Variants in PRKD1 observed in about 807,000 individuals in gnomAD.
PRKD1 encodes the protein serine/threonine-protein kinase D1.
Under a neutral mutation model 95.9 loss-of-function variants are expected in PRKD1, and 63 were observed. That is an observed-to-expected ratio of 0.66 (90% confidence interval 0.54 to 0.81). The LOEUF is 0.81. Ranked by LOEUF, PRKD1 falls within the 30% of genes least tolerant of loss-of-function variation. PRKD1 has a pLI of 0.00. For missense variants in PRKD1, 1,048 were observed against 1,165.3 expected (o/e 0.90, Z 1.47); for synonymous variants, 425 against 423.1 (o/e 1.00, Z -0.05).
intron 2 of PRKD1, among the ~76,000 whole-genome samples, chr14:29,696,149 G>C (rs370151192): frequency 6.6e-6 from 1 of 152,130 alleles, no homozygotes; most frequent in African/African-American, 2.4e-5. Flanking sequence ...AGTCTAGTAA[G>C]TTAAAAAACA....
At chr14:29,750,112 T>G (rs900847087) in intron 1 of PRKD1, among the ~76,000 whole-genome samples, 1 of 152,158 alleles carries the variant, frequency 6.6e-6, no homozygotes, top group African/African-American at 2.4e-5. Flanking sequence ...AGGATCAATA[T>G]TCTATGAAAT....
intron 4 of PRKD1, among the ~76,000 whole-genome samples, chr14:29,649,478 T>C (rs1881353442): frequency 1.3e-5 from 2 of 151,950 alleles, no homozygotes; most frequent in Non-Finnish European, 2.9e-5. Context: ...TTTTACTTTG[T>C]GTTTGTAGTT....
At chr14:29,755,812 T>C (rs1171777371) in intron 1 of PRKD1, among the ~76,000 whole-genome samples, 2 of 152,188 alleles carry the variant, frequency 1.3e-5, no homozygotes, top group African/African-American at 4.8e-5. Context: ...CTGTATGCAG[T>C]AGCTTTGATC....
chr14:29,721,277 C>T (rs1437255442), intron 2 of PRKD1, among the ~76,000 whole-genome samples: 3 of 152,116 alleles, frequency 2.0e-5, no homozygotes. Flanking sequence ...AGATAATCTA[C>T]TGTAAATCTA....
chr14:29,884,058 G>A (rs1280685810), intron 1 of PRKD1, among the ~76,000 whole-genome samples: 1 of 152,140 alleles, frequency 6.6e-6, no homozygotes, highest in Non-Finnish European at 1.5e-5. Flanking sequence ...CAAAAGTGAT[G>A]CTCAGTTAAA....
intron 1 of PRKD1, among the ~76,000 whole-genome samples, chr14:29,918,229 T>G (rs1894960295): frequency 6.6e-6 from 1 of 152,128 alleles, no homozygotes; most frequent in Admixed American, 6.6e-5. Context: ...ATATATAATT[T>G]TTATTAGTAA....
At chr14:29,680,568 T>C (rs1883485386) in intron 2 of PRKD1, among the ~76,000 whole-genome samples, 1 of 152,212 alleles carries the variant, frequency 6.6e-6, no homozygotes, top group South Asian at 2.1e-4. Flanking sequence ...TGTTTTAGGT[T>C]GGCTGATTTT....
At chr14:29,924,143 T>C (rs546554946) in intron 1 of PRKD1, among the ~76,000 whole-genome samples, 4 of 152,258 alleles carry the variant, frequency 2.6e-5, no homozygotes, top group African/African-American at 9.6e-5. Flanking sequence ...CCTGGATCAA[T>C]ACTTTCTAAA....
chr14:29,682,288 A>G (rs996751128), intron 2 of PRKD1, among the ~76,000 whole-genome samples: 3 of 152,202 alleles, frequency 2.0e-5, no homozygotes, highest in African/African-American at 7.2e-5. Context: ...CAGTGGGTAT[A>G]CTGAACTATG....
At chr14:29,591,998 T>A (rs547231553) in intron 16 of PRKD1, among the ~76,000 whole-genome samples, 2 of 152,192 alleles carry the variant, frequency 1.3e-5, no homozygotes, top group Non-Finnish European at 2.9e-5. Flanking sequence ...TAAGTGATAC[T>A]GAGCTGCCCT....
chr14:29,920,145 AAAGGAAGGAAGGAAAC>A (rs1292910955), intron 1 of PRKD1, among the ~76,000 whole-genome samples: 7 of 151,208 alleles, frequency 4.6e-5, no homozygotes, highest in Non-Finnish European at 7.4e-5. Context: ...GAAGAAAAGA[AAAGGAAGGAAGGAAAC>A]AAGGAAGGAA....
chr14:29,789,350 T>C (rs1482483325), intron 1 of PRKD1, among the ~76,000 whole-genome samples: 1 of 152,252 alleles, frequency 6.6e-6, no homozygotes. Context: ...TCTGCATATC[T>C]AATGTAACAT....
At chr14:29,680,931 A>G (rs1465102007) in intron 2 of PRKD1, among the ~76,000 whole-genome samples, 1 of 152,218 alleles carries the variant, frequency 6.6e-6, no homozygotes, top group Non-Finnish European at 1.5e-5. Flanking sequence ...TGTCACAGGT[A>G]AAGAAAGAGG....
chr14:29,610,288 C>A (rs1289116032), intron 13 of PRKD1, among the ~76,000 whole-genome samples: 1 of 151,948 alleles, frequency 6.6e-6, no homozygotes, highest in African/African-American at 2.4e-5. Context: ...GAACTATTAT[C>A]TAAAATATAC....
chr14:29,739,961 T>G (rs1886910237), intron 1 of PRKD1, among the ~76,000 whole-genome samples: 1 of 152,222 alleles, frequency 6.6e-6, no homozygotes, highest in African/African-American at 2.4e-5. Flanking sequence ...AAATCATTAT[T>G]TTGTTGTATA....
intron 1 of PRKD1, among the ~76,000 whole-genome samples, chr14:29,889,760 A>G (rs1431146305): frequency 6.6e-6 from 1 of 152,190 alleles, no homozygotes; most frequent in Non-Finnish European, 1.5e-5. Context: ...AAGGAGAGGG[A>G]TAGTGTTAGG....
chr14:29,592,777 T>C (rs944198902), intron 16 of PRKD1: 1 of 152,142 alleles, frequency 6.6e-6, no homozygotes, highest in South Asian at 2.1e-4. Flanking sequence ...GTAACGTGGA[T>C]GAGATCACCA....
chr14:29,604,633 A>G (rs1893639560), intron 13 of PRKD1, among the ~76,000 whole-genome samples: 2 of 152,108 alleles, frequency 1.3e-5, no homozygotes, highest in African/African-American at 4.8e-5. Flanking sequence ...AGAAGAGCAC[A>G]CCTTCTTATC....
intron 10 of PRKD1, among the ~76,000 whole-genome samples, chr14:29,629,504 T>C (rs1879843375): frequency 6.6e-6 from 1 of 152,144 alleles, no homozygotes; most frequent in Non-Finnish European, 1.5e-5. Flanking sequence ...TGCTTAGCAC[T>C]AAAATAGGCA....
Sources: gnomAD v4.1 joint callset for allele counts (sites outside exome capture counted in the v4.1 genomes callset) on GRCh38, gnomAD v4.1.1 for gene constraint, MANE v1.5 for transcripts, NCBI Gene and HGNC (gene_info 2026-07-23, HGNC 2026-07-21) for gene names.